The following MSRB3 variants were observed in gnomAD, a reference collection of about 807,000 sequenced individuals.
The protein encoded by MSRB3 is methionine-R-sulfoxide reductase B3.
In MSRB3, 13 loss-of-function variants were observed where a neutral mutation model predicts 21.0. The ratio of observed to expected loss-of-function variants is 0.62; its 90% CI spans 0.40 to 0.98. The LOEUF is 0.98. MSRB3 is among the 50% of genes least tolerant of loss of function. The probability of loss-of-function intolerance (pLI) is 0.00; values close to 1 mark genes in which losing one functional copy is unlikely to be tolerated. For synonymous variants in MSRB3, 87 were observed against 88.6 expected, an observed-to-expected ratio of 0.98 and a Z score of 0.10; for missense variants, 199 against 230.3, an observed-to-expected ratio of 0.86 and a Z score of 0.88.
At chr12:65,445,443 G>A (rs1177267211) in intron 5 of MSRB3, among the ~76,000 whole-genome samples, 2 of 149,260 alleles carry the variant, frequency 1.3e-5, no homozygotes, top group Admixed American at 6.8e-5. Flanking sequence ...TGGCAGCAGT[G>A]CCACCACCAT....
chr12:65,425,931 A>G (rs929814758), intron 5 of MSRB3, among the ~76,000 whole-genome samples: 1 of 152,108 alleles, frequency 6.6e-6, no homozygotes, highest in Non-Finnish European at 1.5e-5. Context: ...ATCTTGGCTC[A>G]CTGAAACCTC....
chr12:65,311,172 T>C (rs1375298896), intron 2 of MSRB3, among the ~76,000 whole-genome samples: 2 of 152,266 alleles, frequency 1.3e-5, no homozygotes, highest in African/African-American at 4.8e-5. Flanking sequence ...GTTGTTCTGA[T>C]CTCTTTATTT....
intron 5 of MSRB3, among the ~76,000 whole-genome samples, chr12:65,411,185 G>A (rs1388961378): frequency 6.6e-6 from 1 of 152,152 alleles, no homozygotes; most frequent in Non-Finnish European, 1.5e-5. Context: ...GGCAATTATT[G>A]AAGTGGGACA....
intron 2 of MSRB3, among the ~76,000 whole-genome samples, chr12:65,326,470 ATG>A (rs1367531443): frequency 6.6e-6 from 1 of 152,152 alleles, no homozygotes; most frequent in Non-Finnish European, 1.5e-5. Flanking sequence ...TACAGTATAA[ATG>A]TTTGTAAATA....
intron 5 of MSRB3, among the ~76,000 whole-genome samples, chr12:65,388,044 TA>T (rs1273367884): frequency 6.6e-6 from 1 of 152,170 alleles, no homozygotes; most frequent in Non-Finnish European, 1.5e-5. Context: ...AGAAAGAAAC[TA>T]ATAATTTGTA....
intron 5 of MSRB3, among the ~76,000 whole-genome samples, chr12:65,402,982 A>G (rs1336904502): frequency 3.3e-5 from 5 of 152,186 alleles, no homozygotes; most frequent in African/African-American, 1.2e-4. Context: ...TGGAAGCTTC[A>G]TCCCAGAGGG....
At chr12:65,379,615 A>G (rs762074194) in intron 5 of MSRB3, among the ~76,000 whole-genome samples, 1 of 152,192 alleles carries the variant, frequency 6.6e-6, no homozygotes, top group Non-Finnish European at 1.5e-5. Flanking sequence ...AAATAGAATT[A>G]TATGGTATAT....
intron 5 of MSRB3, among the ~76,000 whole-genome samples, chr12:65,401,939 C>T (rs1391319464): frequency 6.6e-6 from 1 of 152,146 alleles, no homozygotes; most frequent in Non-Finnish European, 1.5e-5. Flanking sequence ...AATATTGACC[C>T]CCACTCTCTT....
intron 4 of MSRB3, among the ~76,000 whole-genome samples, chr12:65,351,518 C>T (rs1290334351): frequency 1.3e-5 from 2 of 149,794 alleles, no homozygotes; most frequent in Non-Finnish European, 2.9e-5. Flanking sequence ...ATTAATGAAT[C>T]CAGGAGCTGG....
chr12:65,343,798 A>T (rs991441336), intron 4 of MSRB3, among the ~76,000 whole-genome samples: 8 of 152,094 alleles, frequency 5.3e-5, no homozygotes, highest in African/African-American at 1.9e-4. Flanking sequence ...ATTCTGGCTG[A>T]TTCTTCTTTT....
chr12:65,402,297 G>C (rs927490134), intron 5 of MSRB3, among the ~76,000 whole-genome samples: 2 of 152,112 alleles, frequency 1.3e-5, no homozygotes, highest in East Asian at 3.9e-4. Context: ...TTTCTTGGAG[G>C]CTTTGATCAT....
chr12:65,284,851 G>C (rs919006072), intron 1 of MSRB3: 1 of 152,116 alleles, frequency 6.6e-6, no homozygotes, highest in Non-Finnish European at 1.5e-5. Flanking sequence ...TTGGACAAAG[G>C]ATACTGCATC....
At chr12:65,282,411 A>G (rs2136381461) in intron 1 of MSRB3, among the ~76,000 whole-genome samples, 1 of 152,272 alleles carries the variant, frequency 6.6e-6, no homozygotes, top group South Asian at 2.1e-4. Flanking sequence ...GCTTTAAGGG[A>G]AGTACAAAAA....
chr12:65,409,452 T>C (rs574211118), intron 5 of MSRB3, among the ~76,000 whole-genome samples: 22 of 152,242 alleles, frequency 1.4e-4, no homozygotes, highest in African/African-American at 9.6e-5. Context: ...TCTATACTTA[T>C]ATAGATACAC....
intron 5 of MSRB3, among the ~76,000 whole-genome samples, chr12:65,423,935 T>TAC (rs1200176617): frequency 2.0e-5 from 3 of 152,160 alleles, no homozygotes; most frequent in African/African-American, 7.2e-5. Context: ...AAAAGGTTGG[T>TAC]AGAATTCAGT....
chr12:65,415,300 C>T (rs1413081837), intron 5 of MSRB3, among the ~76,000 whole-genome samples: 1 of 152,180 alleles, frequency 6.6e-6, no homozygotes, highest in Non-Finnish European at 1.5e-5. Context: ...TTCCTGGTTT[C>T]TCAGGAGAGG....
At chr12:65,410,325 G>T in intron 5 of MSRB3, among the ~76,000 whole-genome samples, 1 of 152,090 alleles carries the variant, frequency 6.6e-6, no homozygotes, top group East Asian at 1.9e-4. Context: ...TTGGCATTTT[G>T]TTAGGGAAAT....
At chr12:65,344,394 C>G (rs560692562) in intron 4 of MSRB3, among the ~76,000 whole-genome samples, 1 of 151,846 alleles carries the variant, frequency 6.6e-6, no homozygotes, top group South Asian at 2.1e-4. Context: ...AGCAATTTTG[C>G]TTATTTAGAG....
At chr12:65,419,364 C>G in intron 5 of MSRB3, 2 of 756,562 alleles carry the variant, frequency 2.6e-6, no homozygotes, top group Non-Finnish European at 4.9e-6. Context: ...CTTTTACTTC[C>G]TCTTCATGGT....
Sources: gnomAD v4.1 joint callset for allele counts (sites outside exome capture counted in the v4.1 genomes callset) on GRCh38, gnomAD v4.1.1 for gene constraint, MANE v1.5 for transcripts, NCBI Gene and HGNC (gene_info 2026-07-23, HGNC 2026-07-21) for gene names.